The following CNTROB variants were observed in gnomAD, a reference collection of about 807,000 sequenced individuals.
CNTROB encodes the protein centrobin.
A neutral mutation model predicts 115.7 loss-of-function variants in CNTROB; 82 were observed. The observed-to-expected ratio is 0.71, with a 90% CI of 0.59 to 0.85. The LOEUF (loss-of-function observed/expected upper bound fraction) is 0.85. Among genes scored for constraint, CNTROB ranks in the 40% least tolerant of loss-of-function variants. The pLI is 0.00. For synonymous variants in CNTROB, 439 were observed against 456.4 expected (o/e 0.96, Z 0.49); for missense variants, 1,014 against 1,144.4 (o/e 0.89, Z 1.64).
chr17:7,937,201 T>C lies in CNTROB; in HGVS notation c.866T>C (p.Met289Thr). 1.2e-6 allele frequency: 2 copies of C among 1,614,166 alleles called. No individual in the cohort carries two copies. Among genetic ancestry groups the C allele is most frequent in the Non-Finnish European group, 1.7e-6 (2 of 1,180,020 alleles). ...CTGGAACAAAGCCTTTCTGAGGCCA[T>C]GGAGGCCCTGAATCGTGAGCAGGAA... ...TRLEQSLSEA[M>T]EALNREQESA... Residue 289 changes from methionine to threonine, a missense_variant, in exon 7 of 19, where the codon ATG becomes ACG. Coordinates refer to ENST00000563694, the MANE Select transcript of CNTROB (RefSeq NM_053051.5).
In CNTROB at chr17:7,932,329, T is replaced by C; in HGVS notation, c.-751T>C. 5.7e-6 allele frequency: 1 copy of C among 173,976 alleles called. No homozygotes were observed. Among genetic ancestry groups the C allele is most frequent in the Non-Finnish European group, 1.2e-5 (1 of 80,680 alleles). The allele number at this position is 173,976 out of a possible 1,614,324, so 10.8% of individuals were successfully genotyped here. ...AATTGGGGACTGAGGACTGGAAGGG[T>C]GGAGAGTAGGCGGAACCAGGTGGTC... On this transcript the variant is annotated 5_prime_UTR_variant, in exon 1 of 19. Coordinates refer to ENST00000563694, the MANE Select transcript of CNTROB (RefSeq NM_053051.5).
intron 4 of CNTROB, 98 bp from the exon 5 acceptor site, chr17:7,936,268 T>G: frequency 1.3e-6 from 1 of 749,828 alleles, no homozygotes. Flanking sequence ...CCAAGCTTCT[T>G]GGCTCCAGCC....
At chr17:7,945,508 C>T (rs543788338) in intron 12 of CNTROB, 23 of 537,660 alleles carry the variant, frequency 4.3e-5, no homozygotes, top group Non-Finnish European at 7.2e-5. Flanking sequence ...CGTGCCATTG[C>T]CCCCAGCTAA....
rs1314831783 is a variant in CNTROB, at chr17:7,948,782, T to A, written c.2513+163T>A. On this transcript the variant is annotated intron_variant, in intron 17 of 18. Coordinates refer to ENST00000563694, the MANE Select transcript of CNTROB (RefSeq NM_053051.5). The surrounding 1 kb of genome is among the most constrained non-coding windows in gnomAD (Gnocchi z 4.4). ...AGATCTTCTCTAACTGCCCCACACT[T>A]TTCTTTTATCTCCTCCTTTCTATTG... The A allele has an allele frequency of 3.6e-5, 55 of 1,543,998 alleles. No individual in the cohort carries two copies. The highest frequency in any genetic ancestry group is 4.8e-5 in the Non-Finnish European group (55 of 1,142,096).
chr17:7,944,317 C>G lies in CNTROB; in HGVS notation c.1571+69C>G. 2 of 1,567,508 alleles carry G rather than the reference C, an allele frequency of 1.3e-6. No homozygotes were observed. The highest frequency in any genetic ancestry group is 2.2e-5 in the South Asian group (2 of 89,998). ...CCATGGGTAGAGCCCAAACTGGGAA[C>G]GGTGAAGAGCTGCTCCCTTGATTGA... On this transcript the variant is annotated intron_variant, in intron 11 of 18. Coordinates refer to ENST00000563694, the MANE Select transcript of CNTROB (RefSeq NM_053051.5). The surrounding 1 kb of genome is among the most constrained non-coding windows in gnomAD (Gnocchi z 4.0).
rs953776435 is a variant in CNTROB at position 7,939,845 on chromosome 17, T to C, written c.1164+96T>C. On this transcript the variant is annotated intron_variant, in intron 8 of 18. Coordinates refer to ENST00000563694, the MANE Select transcript of CNTROB (RefSeq NM_053051.5). This position sits in a 1 kb window ranked among gnomAD's most constrained non-coding sequence, Gnocchi z 4.4. Reference sequence around the variant, plus strand: ...AATGTTAGAATATGGGGGATACATATAGGCAGGAATGGAGAGTAGAGAGCC... The same window carrying C: ...AATGTTAGAATATGGGGGATACATACAGGCAGGAATGGAGAGTAGAGAGCC... 1.3e-4 allele frequency: 167 copies of C among 1,246,368 alleles called. No individual in the cohort carries two copies. Among genetic ancestry groups the C allele is most frequent in the Non-Finnish European group, 1.5e-4 (129 of 865,916 alleles). The allele number at this position is 1,246,368 out of a possible 1,614,324, so 77.2% of individuals were successfully genotyped here.
At chr17:7,936,030 C>T (rs1244627314) in intron 4 of CNTROB, 2 of 246,016 alleles carry the variant, frequency 8.1e-6, no homozygotes, top group African/African-American at 4.5e-5. Context: ...GTCCAATGAG[C>T]TTCTGAAGGT....
At position 7,933,130 on chromosome 17, in the gene CNTROB, C is replaced by G. The variant is rs778507790; in HGVS notation, c.51C>G (p.Leu17=). ...SPSSPLGAED[L]LSDSSEPPGL... is the part of the protein sequence containing the mutation. ...GTTCACCCCTCGGGGCGGAGGATCT[C>G]CTGAGTGATTCATCAGAACCCCCTG... The change falls in exon 1 of 19, where the codon CTC becomes CTG. Residue 17 remains leucine (L), a synonymous_variant. Coordinates refer to ENST00000563694, the MANE Select transcript of CNTROB (RefSeq NM_053051.5). 1.2e-5 allele frequency: 20 copies of G among 1,614,082 alleles called. No homozygotes were observed. Among genetic ancestry groups the G allele is most frequent in the Non-Finnish European group, 1.7e-5 (20 of 1,180,044 alleles).
Position 7,949,624 on chromosome 17 carries a change from G to T in CNTROB, c.*114G>T. ...GAATTTGGAAAATAGAGGTTTTGTAGGGAATCACTTCGTAAAGAAACCACA... is the reference window on the plus strand; with the variant it reads ...GAATTTGGAAAATAGAGGTTTTGTATGGAATCACTTCGTAAAGAAACCACA... On this transcript the variant is annotated 3_prime_UTR_variant, in exon 19 of 19. Coordinates refer to ENST00000563694, the MANE Select transcript of CNTROB (RefSeq NM_053051.5). 8.9e-7 allele frequency: 1 copy of T among 1,120,238 alleles called. No individual in the cohort carries two copies. The highest frequency in any genetic ancestry group is 2.8e-5 in the East Asian group (1 of 35,302). 69.4% of individuals were successfully genotyped at this position (1,120,238 alleles called of 1,614,324 possible).
chr17:7,947,594 G>T lies in CNTROB; in HGVS notation c.2017G>T (p.Ala673Ser), dbSNP rs779635312. 4.3e-6 allele frequency: 7 copies of T among 1,609,972 alleles called. No individual in the cohort carries two copies. The highest frequency in any genetic ancestry group is 3.3e-4 in the Middle Eastern group (2 of 6,070). The change falls in exon 14 of 19, where the codon GCC becomes TCC. Residue 673 changes from alanine to serine, a missense_variant. By Grantham distance (99) the Ala-to-Ser change is moderately conservative. Transcript: ENST00000563694. Reference protein sequence around the residue: ...STAGAFSALGAFHPDHRAERP... With the variant: ...STAGAFSALGSFHPDHRAERP... ...AGCTGGGGCCTTCTCTGCACTTGGGGCCTTCCATCCCGATCATAGGGCAGA... is the reference window on the plus strand; with the variant it reads ...AGCTGGGGCCTTCTCTGCACTTGGGTCCTTCCATCCCGATCATAGGGCAGA...
chr17:7,949,145 C>A lies in CNTROB; in HGVS notation c.2574C>A (p.Ile858=), dbSNP rs142142775. 13 of 1,613,884 alleles carry A rather than the reference C, an allele frequency of 8.1e-6. No homozygotes were observed. The South Asian group carries it at 9.9e-5, about 12-fold the overall frequency. The part of the protein sequence containing the change: ...RRNTDSRLGE[I]PRKEIPSQAV... Reference sequence around the variant, plus strand: ...ACACAGACTCCCGCTTGGGTGAGATCCCCCGGAAAGAGGTGAGGGAAAGTC... The same window carrying A: ...ACACAGACTCCCGCTTGGGTGAGATACCCCGGAAAGAGGTGAGGGAAAGTC... The change falls in exon 18 of 19, where the codon ATC becomes ATA. Residue 858 remains isoleucine (I), a synonymous_variant. Coordinates refer to ENST00000563694, the MANE Select transcript of CNTROB (RefSeq NM_053051.5).
In CNTROB at chr17:7,939,405, T is replaced by C. The variant is rs1973578294; in HGVS notation, c.928-108T>C. On this transcript the variant is annotated intron_variant, in intron 7 of 18. Transcript: ENST00000563694. This position sits in a 1 kb window ranked among gnomAD's most constrained non-coding sequence, Gnocchi z 4.4. ...CACCGCACCCGGCCTAATTATTGTGTTTTTAATGAGCATAATTCTCAGCAG... is the reference window on the plus strand; with the variant it reads ...CACCGCACCCGGCCTAATTATTGTGCTTTTAATGAGCATAATTCTCAGCAG... 1.2e-5 allele frequency: 12 copies of C among 964,096 alleles called. No individual in the cohort carries two copies. In the South Asian group the frequency reaches 1.7e-4, roughly 13 times the overall value. The allele number at this position is 964,096 out of a possible 1,614,324, so 59.7% of individuals were successfully genotyped here. A position where few individuals can be genotyped will look rare whatever the true frequency, so the allele number is the denominator to read the frequency against.
At chr17:7,934,607 T>C (rs1972923371) in intron 3 of CNTROB, 61 bp downstream of exon 3, 1 of 1,395,888 alleles carries the variant, frequency 7.2e-7, no homozygotes, top group South Asian at 1.2e-5. Flanking sequence ...GGTGTTTTGT[T>C]CCTTATTTCT....
chr17:7,948,566 G>C lies in CNTROB; in HGVS notation c.2460G>C (p.Gly820=), dbSNP rs750469993. The C allele has an allele frequency of 6.2e-7, 1 of 1,614,044 alleles. No individual in the cohort carries two copies. The highest frequency in any genetic ancestry group is 8.5e-7 in the Non-Finnish European group (1 of 1,180,026). Residue 820 remains glycine (G), a synonymous_variant, in exon 17 of 19, where the codon GGG becomes GGC. Coordinates refer to ENST00000563694, the MANE Select transcript of CNTROB (RefSeq NM_053051.5). The surrounding 1 kb of genome is among the most constrained non-coding windows in gnomAD (Gnocchi z 4.4). ...GACTCTACCAGGCTCGGGGCTGGGG[G>C]GCTCTGCCTGCTGAGGATCTCCTGC... ...LLRLYQARGW[G]ALPAEDLLLY...
chr17:7,932,807 C>A lies in CNTROB; in HGVS notation c.-273C>A. On this transcript the variant is annotated 5_prime_UTR_variant, in exon 1 of 19. Transcript: ENST00000563694. ...GCAGCGCTGTTGTCCCACAGTAGGT[C>A]TTCTGTCCGCACCCGCTCTGCGCTG... The A allele has an allele frequency of 2.3e-6, 1 of 429,842 alleles. No homozygotes were observed. The highest frequency in any genetic ancestry group is 3.8e-5 in the South Asian group (1 of 26,552). 26.6% of individuals were successfully genotyped at this position (429,842 alleles called of 1,614,324 possible).
intron 12 of CNTROB, 147 bp from the exon 13 acceptor site, chr17:7,945,581 C>A (rs1974431743): frequency 2.4e-6 from 2 of 826,092 alleles, no homozygotes; most frequent in East Asian, 2.6e-5. Flanking sequence ...AAACTGCCAG[C>A]CTCAAACGGT....
rs374535226 is a variant in CNTROB at position 7,949,561 on chromosome 17, A to C, written c.*51A>C. On this transcript the variant is annotated 3_prime_UTR_variant, in exon 19 of 19. Transcript: ENST00000563694. ...TTCTCTCATTGTTGTTATTTTAATAAATGCTCATTAGTCTGTATCAGAGTC... is the reference window on the plus strand; with the variant it reads ...TTCTCTCATTGTTGTTATTTTAATACATGCTCATTAGTCTGTATCAGAGTC... 8.0e-5 allele frequency: 124 copies of C among 1,540,506 alleles called. No homozygotes were observed. The highest frequency in any genetic ancestry group is 1.3e-4 in the Admixed American group (6 of 47,494).
intron 7 of CNTROB, 149 bp downstream of exon 7, chr17:7,937,411 T>A: frequency 1.1e-6 from 1 of 886,198 alleles, no homozygotes; most frequent in Non-Finnish European, 1.7e-6. Flanking sequence ...CTAATTCAGC[T>A]AGATATTCTA....
intron 13 of CNTROB, 125 bp downstream of exon 13, chr17:7,946,111 T>A (rs1477237121): frequency 6.0e-6 from 5 of 829,638 alleles, no homozygotes; most frequent in Non-Finnish European, 9.7e-6. Context: ...GATCGCAAGT[T>A]GCAAGGAGCA....
Sources: gnomAD v4.1 joint callset for allele counts on GRCh38, gnomAD v4.1.1 for gene constraint, Gnocchi (gnomAD v3.1) non-coding constraint, MANE v1.5 for transcripts, NCBI Gene and HGNC (gene_info 2026-07-23, HGNC 2026-07-21) for gene names.